The following CCDC7 variants were observed in gnomAD, a reference collection of about 807,000 sequenced individuals.
The protein encoded by CCDC7 is coiled-coil domain containing 7.
In CCDC7, 183 loss-of-function variants were observed where a neutral mutation model predicts 196.9. The observed-to-expected ratio is 0.93, with a 90% CI of 0.82 to 1.05. The LOEUF (loss-of-function observed/expected upper bound fraction) is 1.05, where lower values mean the gene tolerates loss of function less well. Ranked by LOEUF, CCDC7 falls within the 50% of genes least tolerant of loss-of-function variation. The pLI, the probability that CCDC7 is intolerant of heterozygous loss-of-function variation, is 0.00. For synonymous variants in CCDC7, 525 were observed against 484.6 expected (o/e 1.08, Z -1.10); for missense variants, 1,540 against 1,482.2 (o/e 1.04, Z -0.64).
At chr10:32,447,212 G>T (rs563973410), upstream of CCDC7, among the ~76,000 whole-genome samples, 3 of 152,110 alleles carry the variant, frequency 2.0e-5, no homozygotes, top group South Asian at 6.2e-4. Flanking sequence ...AATTGTTGCC[G>T]TTCTTCAGGT....
At chr10:32,876,108 G>A (rs73264338) in intron 41 of CCDC7, among the ~76,000 whole-genome samples, 5,819 of 151,974 alleles carry the variant, frequency 0.038, 392 homozygotes, top group African/African-American at 0.13. Context: ...TTGTCTGAGC[G>A]ATTCTGTTGC....
At chr10:32,671,939 C>G (rs1302286860) in intron 21 of CCDC7, among the ~76,000 whole-genome samples, 1 of 152,172 alleles carries the variant, frequency 6.6e-6, no homozygotes, top group Non-Finnish European at 1.5e-5. Context: ...GTGGCAATGA[C>G]TATTAAAGTT....
intron 22 of CCDC7, among the ~76,000 whole-genome samples, chr10:32,688,261 T>C (rs757849822): frequency 1.3e-4 from 20 of 152,154 alleles, no homozygotes; most frequent in Non-Finnish European, 2.6e-4. Context: ...GAGGTGAACC[T>C]GAGAGATCTT....
intron 28 of CCDC7, among the ~76,000 whole-genome samples, chr10:32,754,689 C>T (rs557346918): frequency 6.6e-6 from 1 of 152,274 alleles, no homozygotes; most frequent in South Asian, 2.1e-4. Context: ...CTCCAGTCTA[C>T]AGCTCCCAGC....
intron 21 of CCDC7, among the ~76,000 whole-genome samples, chr10:32,678,684 G>A (rs765681144): frequency 2.0e-5 from 3 of 152,140 alleles, no homozygotes; most frequent in Non-Finnish European, 2.9e-5. Flanking sequence ...AACAGGCTGG[G>A]AAAAGTCCAA....
chr10:32,521,601 CTT>C (rs1167220595), intron 11 of CCDC7, among the ~76,000 whole-genome samples: 1 of 139,190 alleles, frequency 7.2e-6, no homozygotes, highest in African/African-American at 2.7e-5. Flanking sequence ...TTTGGCCAGT[CTT>C]TAGATTTTTC....
At chr10:32,620,008 C>T (rs539200288) in intron 18 of CCDC7, among the ~76,000 whole-genome samples, 6 of 143,356 alleles carry the variant, frequency 4.2e-5, no homozygotes, top group East Asian at 2.3e-4. Flanking sequence ...CTGCAACCTC[C>T]GCTTCCTGGG....
chr10:32,804,019 C>T (rs2085326372), intron 29 of CCDC7, among the ~76,000 whole-genome samples: 1 of 152,066 alleles, frequency 6.6e-6, no homozygotes, highest in Non-Finnish European at 1.5e-5. Flanking sequence ...TAATAACTTT[C>T]AGATATTTTA....
intron 18 of CCDC7, 61 bp from the exon 20 acceptor site, chr10:32,634,193 T>A (rs1590872762): frequency 1.4e-6 from 1 of 710,482 alleles, no homozygotes; most frequent in Non-Finnish European, 1.9e-6. Context: ...ATGTGAAATT[T>A]GGAGATTTCA....
intron 31 of CCDC7, among the ~76,000 whole-genome samples, chr10:32,816,819 A>G (rs1166806267): frequency 6.6e-6 from 1 of 152,144 alleles, no homozygotes; most frequent in Non-Finnish European, 1.5e-5. Context: ...GGACATCCAC[A>G]CCAAAACCCC....
At chr10:32,639,869 G>A (rs754726151) in intron 20 of CCDC7, among the ~76,000 whole-genome samples, 1 of 151,994 alleles carries the variant, frequency 6.6e-6, no homozygotes, top group African/African-American at 2.4e-5. Flanking sequence ...CGCCTGCCTC[G>A]GCCTCCCAAA....
chr10:32,730,176 T>A (rs1311420158), intron 28 of CCDC7, among the ~76,000 whole-genome samples: 1 of 152,116 alleles, frequency 6.6e-6, no homozygotes, highest in Non-Finnish European at 1.5e-5. Flanking sequence ...GACAGGCCAC[T>A]GTGTAGGTTG....
intron 11 of CCDC7, among the ~76,000 whole-genome samples, chr10:32,534,789 C>T (rs1249624873): frequency 6.6e-6 from 1 of 152,110 alleles, no homozygotes; most frequent in Admixed American, 6.5e-5. Context: ...GACTTGACAT[C>T]TCCTTTGGTC....
chr10:32,584,702 G>A (rs896959982), intron 18 of CCDC7, among the ~76,000 whole-genome samples: 12 of 128,604 alleles, frequency 9.3e-5, no homozygotes, highest in African/African-American at 3.7e-4. Flanking sequence ...GCAGTGAGCC[G>A]AGATCACGCC....
rs112974029 is a variant in CCDC7 at position 32,693,826 on chromosome 10, G to A, written c.2345-1053G>A. Among the ~76,000 whole-genome samples the A allele has an allele frequency of 5.1e-3, 771 of 152,246 alleles. 6 individuals are homozygous for A. Among genetic ancestry groups the A allele is most frequent in the Non-Finnish European group, 6.4e-3 (437 of 68,020 alleles). On this transcript the variant is annotated intron_variant, in intron 23 of 41. Coordinates refer to ENST00000639629, the Ensembl canonical transcript of CCDC7. ...TCCCTGTCTGAGTGAGTGTGGGTAT[G>A]TGTCTGAGTGCGCCCTGATATGGCA...
At chr10:32,571,680 TCTC>T (rs1325118365) in intron 15 of CCDC7, among the ~76,000 whole-genome samples, 176 bp from the exon 17 acceptor site, 1 of 152,100 alleles carries the variant, frequency 6.6e-6, no homozygotes. Context: ...TAGGGCCTAC[TCTC>T]CTTCTATAAT....
chr10:32,848,525 C>T (rs913603378), intron 38 of CCDC7, 71 bp from the exon 40 acceptor site: 118 of 1,108,552 alleles, frequency 1.1e-4, no homozygotes, highest in Middle Eastern at 2.3e-4. Context: ...AAGACAAATA[C>T]GTGGAGATGG....
intron 25 of CCDC7, among the ~76,000 whole-genome samples, chr10:32,725,139 C>A (rs2082932791): frequency 6.6e-6 from 1 of 152,054 alleles, no homozygotes; most frequent in Admixed American, 6.6e-5. Context: ...CTCTTGGACA[C>A]CTTTAATTTT....
At chr10:32,634,309 A>C (rs910414473) in exon 19 of CCDC7, 1 of 1,219,212 alleles carries the variant, frequency 8.2e-7, no homozygotes, top group Non-Finnish European at 1.0e-6. Flanking sequence ...ATTCAGTAAC[A>C]AAAGTCCAAA....
Sources: gnomAD v4.1 joint callset for allele counts (sites outside exome capture counted in the v4.1 genomes callset) on GRCh38, gnomAD v4.1.1 for gene constraint, MANE v1.5 for transcripts, NCBI Gene and HGNC (gene_info 2026-07-23, HGNC 2026-07-21) for gene names.